Variants in HSF1 observed in about 807,000 individuals in gnomAD.
HSF1 encodes the protein heat shock transcription factor 1, also known as heat shock factor protein 1.
In HSF1, 32 loss-of-function variants were observed where a neutral mutation model predicts 51.7. The ratio of observed to expected loss-of-function variants is 0.62; its 90% CI spans 0.47 to 0.83. The LOEUF (loss-of-function observed/expected upper bound fraction) is 0.83, where lower values mean the gene tolerates loss of function less well. Among genes scored for constraint, HSF1 ranks in the 40% least tolerant of loss-of-function variants. HSF1 has a pLI of 0.00. For synonymous variants in HSF1, 396 were observed against 309.7 expected (o/e 1.28, Z -2.92); for missense variants, 727 against 717.0 (o/e 1.01, Z -0.16).
rs34454068 is a variant in HSF1 at position 144,314,246 on chromosome 8, AGGG to A, written c.1508_1510del (p.Gly503del). On this transcript the variant is annotated inframe_deletion, in exon 13 of 13. Transcript: ENST00000528838. ...TGGGAGAGGGCTCCTACTTCTCCGA[AGGG>A]GACGGCTTCGCCGAGGACCCCACCA... The A allele has an allele frequency of 4.5e-6, 7 of 1,550,384 alleles. No individual in the cohort carries two copies. In the African/African-American group the frequency reaches 9.6e-5, roughly 21 times the overall value.
rs891838441 is a variant in HSF1, at chr8:144,294,689, G to A, written c.117+2815G>A. On this transcript the variant is annotated intron_variant, in intron 1 of 12. Transcript: ENST00000528838. ...CTGCAGCCACTGGAGGCAGAATGCC[G>A]GGTCACTGCCCAGGAGACCCCATTG... Among the ~76,000 whole-genome samples the A allele has an allele frequency of 7.0e-4, 106 of 152,302 alleles. 1 individual carries two copies. Among genetic ancestry groups the A allele is most frequent in the African/African-American group, 2.4e-3 (99 of 41,570 alleles).
chr8:144,300,194 G>A (rs1323362086), intron 1 of HSF1, among the ~76,000 whole-genome samples: 2 of 147,382 alleles, frequency 1.4e-5, no homozygotes, highest in Non-Finnish European at 3.0e-5. Flanking sequence ...AGTGACATGC[G>A]TATCACTGTT....
At chr8:144,309,936 G>C (rs1288873302) in intron 4 of HSF1, 40 bp downstream of exon 4, 16 of 1,594,380 alleles carry the variant, frequency 1.0e-5, no homozygotes, top group Non-Finnish European at 1.2e-5. Flanking sequence ...AGCGGGTCCT[G>C]GCGCCCACCA....
At chr8:144,293,486 G>A (rs1554840791) in intron 1 of HSF1, 1 of 149,910 alleles carries the variant, frequency 6.7e-6, no homozygotes. Flanking sequence ...TGTCACCCAG[G>A]TTGGAGTGCA....
Position 144,311,714 on chromosome 8 carries a change from C to G in HSF1, c.738C>G (p.Ala246=), listed in dbSNP as rs782509868. The change falls in exon 8 of 13, where the codon GCC becomes GCG. Residue 246 remains alanine, a synonymous_variant. Coordinates refer to ENST00000528838, the MANE Select transcript of HSF1 (RefSeq NM_005526.4). The part of the protein sequence containing the change: ...GSGPYSAPSP[A]YSSSSLYAPD... Reference sequence around the variant, plus strand: ...TTTGATTGCAGGCCCCCTCCCCAGCCTACAGCAGCTCCAGCCTCTACGCCC... The same window carrying G: ...TTTGATTGCAGGCCCCCTCCCCAGCGTACAGCAGCTCCAGCCTCTACGCCC... 1 of 1,611,390 alleles carries G rather than the reference C, an allele frequency of 6.2e-7. No individual in the cohort carries two copies. The highest frequency in any genetic ancestry group is 8.5e-7 in the Non-Finnish European group (1 of 1,178,830).
chr8:144,309,772 G>C lies in HSF1; in HGVS notation c.364G>C (p.Val122Leu), dbSNP rs782449044. 3.7e-6 allele frequency: 6 copies of C among 1,613,380 alleles called. No individual in the cohort carries two copies. Among genetic ancestry groups the C allele is most frequent in the Admixed American group, 1.7e-5 (1 of 59,976 alleles). The change falls in exon 4 of 13, where the codon GTG (valine) becomes CTG (leucine). Residue 122 changes from valine to leucine, a missense_variant and splice_region_variant. This residue lies in a region of HSF1 where 257 missense variants were observed against 318.3 expected (regional missense o/e 0.81). Coordinates refer to ENST00000528838, the MANE Select transcript of HSF1 (RefSeq NM_005526.4). ...LENIKRKVTS[V>L]STLKSEDIKI... ...ACTCCTGTCCCTCTCGGGAATCCAG[G>C]TGTCCACCCTGAAGAGTGAAGACAT...
At chr8:144,307,957 G>A (rs1816332173) in intron 1 of HSF1, among the ~76,000 whole-genome samples, 2 of 152,234 alleles carry the variant, frequency 1.3e-5, no homozygotes, top group Non-Finnish European at 2.9e-5. Context: ...TCCTTTCCGT[G>A]ACCGTTTCCC....
rs1554846210 is a variant in HSF1 at position 144,314,285 on chromosome 8, G to A, written c.1545G>A (p.Leu515=). 3 of 1,550,958 alleles carry A rather than the reference G, an allele frequency of 1.9e-6. No homozygotes were observed. Among genetic ancestry groups the A allele is most frequent in the Non-Finnish European group, 2.6e-6 (3 of 1,147,270 alleles). ...CCGAGGACCCCACCATCTCCCTGCT[G>A]ACAGGCTCGGAGCCTCCCAAAGCCA... ...GFAEDPTISL[L]TGSEPPKAKD... is the part of the protein sequence containing the mutation. The change falls in exon 13 of 13, where the codon CTG becomes CTA. Residue 515 remains leucine, a synonymous_variant. Transcript: ENST00000528838.
At position 144,313,845 on chromosome 8, in the gene HSF1, G is replaced by A; in HGVS notation, c.1249-1G>A. 6.3e-7 allele frequency: 1 copy of A among 1,592,706 alleles called. No individual in the cohort carries two copies. The highest frequency in any genetic ancestry group is 8.5e-7 in the Non-Finnish European group (1 of 1,174,024). ...TTCTGACTTCCCTCCCTCCTCCGCA[G>A]CTGTTCAGCCCCTCGGTGACCGTGC... On this transcript the variant is annotated splice_acceptor_variant, in intron 10 of 12. Transcript: ENST00000528838. LOFTEE classifies it high-confidence loss of function.
In HSF1 at chr8:144,297,333, G is replaced by A. The variant is rs1815535387; in HGVS notation, c.117+5459G>A. Among the ~76,000 whole-genome samples, 1 of 152,198 alleles carries A rather than the reference G, an allele frequency of 6.6e-6. No homozygotes were observed. Among genetic ancestry groups the A allele is most frequent in the African/African-American group, 2.4e-5 (1 of 41,450 alleles). On this transcript the variant is annotated intron_variant, in intron 1 of 12. Coordinates refer to ENST00000528838, the MANE Select transcript of HSF1 (RefSeq NM_005526.4). This position sits in a 1 kb window ranked among gnomAD's most constrained non-coding sequence, Gnocchi z 4.6. The stretch of plus-strand genomic sequence containing the variant: ...CTGCTGCTGCCTCAGCCTCCTCCCT[G>A]TGACCCTGTGGGCCATGGTGAGCAG...
At chr8:144,312,462 G>A (rs1045324896) in intron 9 of HSF1, among the ~76,000 whole-genome samples, 1 of 151,898 alleles carries the variant, frequency 6.6e-6, no homozygotes, top group Non-Finnish European at 1.5e-5. Context: ...ACAGGCTGCC[G>A]GGCCCTGCTC....
intron 1 of HSF1, chr8:144,292,703 G>C (rs548365639): frequency 6.6e-6 from 1 of 152,470 alleles, no homozygotes; most frequent in Non-Finnish European, 1.5e-5. Context: ...ACTCTTGCTT[G>C]TAATCCCAGC....
At chr8:144,304,359 A>C (rs782097945) in intron 1 of HSF1, among the ~76,000 whole-genome samples, 4 of 152,212 alleles carry the variant, frequency 2.6e-5, no homozygotes, top group Non-Finnish European at 5.9e-5. Flanking sequence ...TGCTTGTTTC[A>C]CAGGAAGTAC....
At chr8:144,308,839 G>A (rs1418363190) in intron 1 of HSF1, 67 bp from the exon 2 acceptor site, 27 of 1,279,944 alleles carry the variant, frequency 2.1e-5, no homozygotes, top group South Asian at 1.9e-4. Context: ...GCGGCCTGGG[G>A]AAGGGGCGGC....
chr8:144,312,472 C>G, intron 9 of HSF1: 1 of 745,744 alleles, frequency 1.3e-6, no homozygotes, highest in Non-Finnish European at 2.2e-6. Context: ...GGGCCCTGCT[C>G]TCAGCCACCC....
At chr8:144,312,314 G>A (rs1453897776) in intron 9 of HSF1, 70 bp downstream of exon 9, 6 of 1,156,084 alleles carry the variant, frequency 5.2e-6, no homozygotes, top group Non-Finnish European at 7.4e-6. Context: ...AGCCCCGACT[G>A]TCCCAGTGGA....
chr8:144,312,192 C>T lies in HSF1; in HGVS notation c.1090C>T (p.Pro364Ser), dbSNP rs1554844993. The change falls in exon 9 of 13, where the codon CCC becomes TCC. Residue 364 changes from proline (P) to serine (S), a missense_variant. Physicochemically the swap from Pro to Ser is moderately conservative, Grantham distance 74 (BLOSUM62 -1). Transcript: ENST00000528838. ...GGACACCGAGGGCCGGCCTCCCTCCCCCCCGCCCACCTCCACCCCTGAAAA... is the reference window on the plus strand; with the variant it reads ...GGACACCGAGGGCCGGCCTCCCTCCTCCCCGCCCACCTCCACCCCTGAAAA... Reference protein sequence around the residue: ...HTDTEGRPPSPPPTSTPEKCL... With the variant: ...HTDTEGRPPSSPPTSTPEKCL... The T allele has an allele frequency of 4.4e-6, 7 of 1,589,580 alleles. No individual in the cohort carries two copies. The highest frequency in any genetic ancestry group is 6.0e-6 in the Non-Finnish European group (7 of 1,163,664).
At chr8:144,299,257 T>C (rs782670006) in intron 1 of HSF1, among the ~76,000 whole-genome samples, 5 of 151,354 alleles carry the variant, frequency 3.3e-5, no homozygotes, top group African/African-American at 4.8e-5. Flanking sequence ...GCCTGGCCAA[T>C]ATGGTGAAAC....
rs1554845990 is a variant in HSF1 at position 144,314,053 on chromosome 8, A to G, written c.1383A>G (p.Ser461=). ...PPEAENSSPD[S]GKQLVHYTAQ... is the part of the protein sequence containing the mutation. The stretch of plus-strand genomic sequence containing the variant: ...AGGCAGAGAACAGCAGCCCGGATTC[A>G]GGTGAGCCAAGTCCCACCGGCCCCA... The change falls in exon 12 of 13, where the codon TCA becomes TCG. Residue 461 remains serine, a splice_region_variant and synonymous_variant. Transcript: ENST00000528838. 1.2e-6 allele frequency: 2 copies of G among 1,606,160 alleles called. No individual in the cohort carries two copies. The highest frequency in any genetic ancestry group is 1.1e-5 in the South Asian group (1 of 90,762).
Sources: gnomAD v4.1 joint callset for allele counts (sites outside exome capture counted in the v4.1 genomes callset) on GRCh38, gnomAD v4.1.1 for gene constraint, gnomAD v4.1.1 regional missense constraint, Gnocchi (gnomAD v3.1) non-coding constraint, MANE v1.5 for transcripts, NCBI Gene and HGNC (gene_info 2026-07-23, HGNC 2026-07-21) for gene names.